DOCK10: variants seen among roughly 807,000 people sequenced by gnomAD.
DOCK10 encodes the protein dedicator of cytokinesis protein 10.
DOCK10 carries 145 observed loss-of-function variants against 280.1 expected under a neutral mutation model. The ratio of observed to expected loss-of-function variants is 0.52; its 90% CI spans 0.45 to 0.59. The LOEUF is 0.59. Ranked by LOEUF, DOCK10 falls within the 20% of genes least tolerant of loss-of-function variation. The pLI is 0.00. For synonymous variants in DOCK10, 915 were observed against 942.2 expected (o/e 0.97, Z 0.53); for missense variants, 2,368 against 2,651.7 (o/e 0.89, Z 2.35).
Position 224,789,081 on chromosome 2 carries a change from C to G in DOCK10, c.5401G>C (p.Asp1801His), listed in dbSNP as rs967820393. ...GGTCTAACCTCATTGTATGGTGTAT[C>G]TTGCATTCCAGAATCCTCTTTCATC... ...GAMKEDSGMQ[D>H]TPYNENILVE... is the part of the protein sequence containing the mutation. The change falls in exon 48 of 56, where the codon GAT becomes CAT. Residue 1801 changes from aspartate (D) to histidine (H), a missense_variant. By Grantham distance (81) the Asp-to-His change is moderately conservative (BLOSUM62 -1). Transcript: ENST00000258390. 6.2e-7 allele frequency: 1 copy of G among 1,613,030 alleles called. No individual in the cohort carries two copies. Among genetic ancestry groups the G allele is most frequent in the Non-Finnish European group, 8.5e-7 (1 of 1,179,374 alleles).
At chr2:224,995,919 T>A (rs973436285) in intron 1 of DOCK10, among the ~76,000 whole-genome samples, 3 of 152,254 alleles carry the variant, frequency 2.0e-5, no homozygotes, top group Admixed American at 1.3e-4. Flanking sequence ...CCAGGTTTTT[T>A]AGGTAAACTT....
At chr2:224,768,649 G>A (rs1690214499) in intron 55 of DOCK10, among the ~76,000 whole-genome samples, 1 of 152,168 alleles carries the variant, frequency 6.6e-6, no homozygotes, top group African/African-American at 2.4e-5. Context: ...GTTGGAGTAT[G>A]AGTTTTCATT....
chr2:224,906,744 G>T (rs988735359), intron 3 of DOCK10, among the ~76,000 whole-genome samples: 12 of 152,218 alleles, frequency 7.9e-5, no homozygotes, highest in African/African-American at 1.2e-4. Flanking sequence ...CTCCCAAAGT[G>T]CTGGGATTAC....
At chr2:224,974,994 G>A (rs778302289) in intron 1 of DOCK10, among the ~76,000 whole-genome samples, 4 of 150,436 alleles carry the variant, frequency 2.7e-5, no homozygotes, top group African/African-American at 9.7e-5. Flanking sequence ...TTGGTTTTCC[G>A]ATTTTCTTTA....
At chr2:225,033,729 C>T (rs1054041353) in intron 1 of DOCK10, among the ~76,000 whole-genome samples, 1 of 152,010 alleles carries the variant, frequency 6.6e-6, no homozygotes, top group East Asian at 1.9e-4. Context: ...ACTTCAATGG[C>T]GGGGAGAAAA....
chr2:225,035,572 A>ATAT (rs71062971), intron 1 of DOCK10, among the ~76,000 whole-genome samples: 5,764 of 69,902 alleles, frequency 0.082, 789 homozygotes, highest in South Asian at 0.14. Context: ...ATATATATAT[A>ATAT]TATATATATA....
intron 2 of DOCK10, among the ~76,000 whole-genome samples, chr2:224,918,962 GT>G: frequency 6.7e-6 from 1 of 148,978 alleles, no homozygotes; most frequent in East Asian, 2.0e-4. Context: ...TGGTGTGTGT[GT>G]GTATGTGTGG....
chr2:224,951,709 ACT>A (rs1457170917), intron 1 of DOCK10, among the ~76,000 whole-genome samples: 1 of 151,988 alleles, frequency 6.6e-6, no homozygotes, highest in Non-Finnish European at 1.5e-5. Flanking sequence ...GGCTCAGCTG[ACT>A]CTCTGCTTGG....
At chr2:224,888,340 T>C (rs1442849505) in intron 4 of DOCK10, among the ~76,000 whole-genome samples, 1 of 152,000 alleles carries the variant, frequency 6.6e-6, no homozygotes, top group Non-Finnish European at 1.5e-5. Flanking sequence ...TATACATGTG[T>C]GAATACATAT....
chr2:224,886,817 T>C (rs1211369736), intron 4 of DOCK10, among the ~76,000 whole-genome samples: 1 of 152,010 alleles, frequency 6.6e-6, no homozygotes, highest in African/African-American at 2.4e-5. Context: ...TGCAGTGGCA[T>C]GATCTCGGCT....
intron 1 of DOCK10, among the ~76,000 whole-genome samples, chr2:225,037,382 T>A (rs1051866153): frequency 6.6e-6 from 1 of 152,132 alleles, no homozygotes; most frequent in East Asian, 1.9e-4. Context: ...GAAGCACTAG[T>A]GGGAAGAACA....
At chr2:225,007,618 G>A (rs540716427) in intron 1 of DOCK10, among the ~76,000 whole-genome samples, 2 of 152,272 alleles carry the variant, frequency 1.3e-5, no homozygotes, top group Admixed American at 1.3e-4. Context: ...ATATTAAGTT[G>A]TATTAGAAGA....
At chr2:224,833,770 C>G (rs1695406771) in intron 26 of DOCK10, among the ~76,000 whole-genome samples, 1 of 152,068 alleles carries the variant, frequency 6.6e-6, no homozygotes, top group South Asian at 2.1e-4. Context: ...CCTCTGCCTC[C>G]TGAGTAGCTG....
rs58223345 is a variant in DOCK10 at position 224,917,101 on chromosome 2, C to CTTTTTTTTTTTTTTTTT, written c.244-334_244-318dup. Among the ~76,000 whole-genome samples the CTTTTTTTTTTTTTTTTT allele has an allele frequency of 3.6e-4, 34 of 95,772 alleles. 1 individual carries two copies. The highest frequency in any genetic ancestry group is 5.4e-4 in the Non-Finnish European group (28 of 52,246). The allele number at this position is 95,772 out of a possible 152,430, so 62.8% of individuals were successfully genotyped here. A position where few individuals can be genotyped will look rare whatever the true frequency, so the allele number is the denominator to read the frequency against. On this transcript the variant is annotated intron_variant, in intron 2 of 55. Coordinates refer to ENST00000258390, the MANE Select transcript of DOCK10 (RefSeq NM_014689.3). ...CAATTTAGCTGATTTCTATTGGAAT[C>CTTTTTTTTTTTTTTTTT]TTTTTTTTTTTTTTTTTTTTTTGAG...
intron 4 of DOCK10, among the ~76,000 whole-genome samples, chr2:224,886,884 CAACA>C (rs1699319731): frequency 2.1e-5 from 3 of 139,554 alleles, no homozygotes; most frequent in African/African-American, 9.2e-5. Flanking sequence ...GCAGCACCCC[CAACA>C]CCCCCCCAAG....
At chr2:224,795,280 A>T (rs1240948776) in intron 44 of DOCK10, among the ~76,000 whole-genome samples, 186 bp from the exon 45 acceptor site, 1 of 152,222 alleles carries the variant, frequency 6.6e-6, no homozygotes, top group Admixed American at 6.5e-5. Flanking sequence ...TTTGAAGATA[A>T]ACATTTCAGG....
chr2:225,005,641 C>G (rs1379280015), intron 1 of DOCK10, among the ~76,000 whole-genome samples: 1 of 152,082 alleles, frequency 6.6e-6, no homozygotes, highest in Non-Finnish European at 1.5e-5. Flanking sequence ...AATACAAGGA[C>G]AAAATTAAAT....
chr2:224,934,418 T>A (rs1229452872), intron 1 of DOCK10, among the ~76,000 whole-genome samples: 1 of 152,232 alleles, frequency 6.6e-6, no homozygotes, highest in East Asian at 1.9e-4. Flanking sequence ...TGTGTAACAT[T>A]CAAGATATCC....
chr2:225,012,976 T>C (rs905623037), intron 1 of DOCK10, among the ~76,000 whole-genome samples: 6 of 152,176 alleles, frequency 3.9e-5, no homozygotes, highest in Non-Finnish European at 8.8e-5. Context: ...GGCAGGGTGT[T>C]ACTATACTTT....
Sources: allele counts gnomAD v4.1 joint callset (sites outside exome capture counted in the v4.1 genomes callset), GRCh38; gene constraint gnomAD v4.1.1; transcripts MANE v1.5; gene names NCBI Gene and HGNC (gene_info 2026-07-23, HGNC 2026-07-21).